The following CERS3 variants were observed in gnomAD, a reference collection of about 807,000 sequenced individuals.
CERS3 encodes the protein ceramide synthase 3, also known as LAG1 homolog, ceramide synthase 3.
A neutral mutation model predicts 50.3 loss-of-function variants in CERS3; 33 were observed. The ratio of observed to expected loss-of-function variants is 0.66; its 90% CI spans 0.50 to 0.88. The LOEUF (loss-of-function observed/expected upper bound fraction) is 0.88. CERS3 is among the 40% of genes least tolerant of loss of function. The pLI, the probability that CERS3 is intolerant of heterozygous loss-of-function variation, is 0.00. For missense variants in CERS3, 470 were observed against 460.3 expected (o/e 1.02, Z -0.19); for synonymous variants, 176 against 155.2 (o/e 1.13, Z -0.99).
intron 1 of CERS3, among the ~76,000 whole-genome samples, chr15:100,536,459 A>AT (rs1359347267): frequency 1.3e-5 from 2 of 151,978 alleles, no homozygotes; most frequent in Non-Finnish European, 2.9e-5. Flanking sequence ...TAGTTTTTGC[A>AT]TTTTTTGTAG....
At chr15:100,463,860 G>C (rs912508332) in intron 10 of CERS3, among the ~76,000 whole-genome samples, 3 of 152,184 alleles carry the variant, frequency 2.0e-5, no homozygotes, top group African/African-American at 7.2e-5. Flanking sequence ...TCTGCCCTCT[G>C]CTTCTCATTT....
intron 11 of CERS3, among the ~76,000 whole-genome samples, chr15:100,431,696 G>C (rs1356506515): frequency 6.6e-6 from 1 of 151,762 alleles, no homozygotes; most frequent in African/African-American, 2.4e-5. Context: ...TCTCAGCCTA[G>C]GATGCAAATT....
chr15:100,526,245 A>G (rs1251848301), intron 1 of CERS3, among the ~76,000 whole-genome samples: 1 of 152,234 alleles, frequency 6.6e-6, no homozygotes, highest in African/African-American at 2.4e-5. Context: ...CTGCAGGTCA[A>G]TCTTTGCATC....
At chr15:100,518,836 C>T (rs1040245132) in intron 2 of CERS3, among the ~76,000 whole-genome samples, 8 of 152,166 alleles carry the variant, frequency 5.3e-5, no homozygotes, top group South Asian at 2.1e-4. Flanking sequence ...TTTTAAAATG[C>T]TTTCTGTAAG....
At chr15:100,405,215 A>T (rs117552035) in intron 11 of CERS3, among the ~76,000 whole-genome samples, 2,955 of 146,206 alleles carry the variant, frequency 0.02, 45 homozygotes, top group Middle Eastern at 0.086. Flanking sequence ...ATAATAAAGA[A>T]CTCTCAAAAC....
intron 10 of CERS3, among the ~76,000 whole-genome samples, chr15:100,466,753 C>CTTCCTTCA (rs2034732512): frequency 5.2e-5 from 1 of 19,346 alleles, no homozygotes; most frequent in African/African-American, 1.1e-4. Context: ...TCCTTCCTTC[C>CTTCCTTCA]TTCCTTCCTT....
chr15:100,457,690 G>A (rs1317701413), intron 10 of CERS3, among the ~76,000 whole-genome samples: 1 of 152,176 alleles, frequency 6.6e-6, no homozygotes, highest in Non-Finnish European at 1.5e-5. Context: ...GTATATAGGG[G>A]TAGAATTGTG....
chr15:100,422,217 T>A (rs1262987434), intron 11 of CERS3, among the ~76,000 whole-genome samples: 4 of 17,438 alleles, frequency 2.3e-4, no homozygotes, highest in Non-Finnish European at 3.5e-4. Flanking sequence ...GAATCTACAA[T>A]GAACTCAAAC....
chr15:100,405,545 T>C (rs773195391), intron 11 of CERS3, among the ~76,000 whole-genome samples: 59 of 152,354 alleles, frequency 3.9e-4, no homozygotes, highest in Middle Eastern at 3.4e-3. Flanking sequence ...AGAAGTTTGA[T>C]GAATCTTAAA....
At chr15:100,407,078 T>A (rs1305199287) in intron 11 of CERS3, among the ~76,000 whole-genome samples, 2 of 152,136 alleles carry the variant, frequency 1.3e-5, no homozygotes, top group Non-Finnish European at 2.9e-5. Context: ...CCTCCCATGA[T>A]ACATGGGAAT....
chr15:100,444,423 T>C (rs1047762706), intron 11 of CERS3, among the ~76,000 whole-genome samples: 5 of 152,046 alleles, frequency 3.3e-5, no homozygotes, highest in African/African-American at 2.4e-5. Flanking sequence ...CCACCTGACG[T>C]TCACCCCATT....
chr15:100,479,914 C>G, intron 6 of CERS3, 75 bp downstream of exon 6: 1 of 1,077,020 alleles, frequency 9.3e-7, no homozygotes. Flanking sequence ...AGTACTATAC[C>G]CTAAAGGAAT....
intron 11 of CERS3, among the ~76,000 whole-genome samples, chr15:100,454,875 C>A (rs1241041789): frequency 7.3e-6 from 1 of 137,336 alleles, no homozygotes; most frequent in African/African-American, 2.7e-5. Flanking sequence ...AACAGTAAAA[C>A]AACAACAACA....
chr15:100,493,429 T>C (rs945544068), intron 3 of CERS3, among the ~76,000 whole-genome samples: 4 of 152,338 alleles, frequency 2.6e-5, no homozygotes, highest in African/African-American at 7.2e-5. Flanking sequence ...TGAGAATTCC[T>C]TGTATGTGAT....
chr15:100,539,154 G>C, intron 1 of CERS3, among the ~76,000 whole-genome samples: 1 of 152,132 alleles, frequency 6.6e-6, no homozygotes, highest in Non-Finnish European at 1.5e-5. Flanking sequence ...GACCATCTCA[G>C]CCTGGACTTT....
chr15:100,413,904 T>C (rs920749054), intron 11 of CERS3, among the ~76,000 whole-genome samples: 1 of 151,938 alleles, frequency 6.6e-6, no homozygotes, highest in African/African-American at 2.4e-5. Flanking sequence ...ACTGAAATCA[T>C]AAATAGACCA....
intron 11 of CERS3, among the ~76,000 whole-genome samples, chr15:100,423,896 T>C (rs1024063245): frequency 1.3e-5 from 2 of 152,084 alleles, no homozygotes; most frequent in Admixed American, 1.3e-4. Context: ...CATGAGTTAA[T>C]TAAATTTTTT....
chr15:100,401,431 C>T lies in CERS3; in HGVS notation c.*1282G>A, dbSNP rs1194849085. On this transcript the variant is annotated 3_prime_UTR_variant, in exon 12 of 12. Coordinates refer to ENST00000679737, the MANE Select transcript of CERS3 (RefSeq NM_001378789.1). ...GTGTGCAAGTCTTCTCCGGTGCTCCCTTCCGGAGGGTGAGGACAAGCTGGC... is the reference window on the plus strand; with the variant it reads ...GTGTGCAAGTCTTCTCCGGTGCTCCTTTCCGGAGGGTGAGGACAAGCTGGC... 2 of 152,354 alleles carry T rather than the reference C, an allele frequency of 1.3e-5. No individual in the cohort carries two copies. The highest frequency in any genetic ancestry group is 4.8e-5 in the African/African-American group (2 of 41,450). 9.4% of individuals were successfully genotyped at this position (152,354 alleles called of 1,614,324 possible). A position where few individuals can be genotyped will look rare whatever the true frequency, so the allele number is the denominator to read the frequency against.
intron 7 of CERS3, among the ~76,000 whole-genome samples, chr15:100,478,073 C>A (rs1419152026): frequency 1.3e-5 from 2 of 152,112 alleles, no homozygotes; most frequent in Non-Finnish European, 2.9e-5. Context: ...AGAGAGAAAA[C>A]AGATCCACAG....
Sources: gnomAD v4.1 joint callset for allele counts (sites outside exome capture counted in the v4.1 genomes callset) on GRCh38, gnomAD v4.1.1 for gene constraint, MANE v1.5 for transcripts, NCBI Gene and HGNC (gene_info 2026-07-23, HGNC 2026-07-21) for gene names.